The following SCFD1 variants were observed in gnomAD, a reference collection of about 807,000 sequenced individuals.
The protein encoded by SCFD1 is sec1 family domain containing 1, also known as sec1 family domain-containing protein 1.
A neutral mutation model predicts 103.2 loss-of-function variants in SCFD1; 37 were observed. That is an observed-to-expected ratio of 0.36 (90% CI 0.28 to 0.47). The LOEUF (loss-of-function observed/expected upper bound fraction) is 0.47, where lower values mean the gene tolerates loss of function less well. Among genes scored for constraint, SCFD1 ranks in the 20% least tolerant of loss-of-function variants. SCFD1 has a pLI of 1.00. For synonymous variants in SCFD1, 264 were observed against 245.0 expected, an observed-to-expected ratio of 1.08 and a Z score of -0.73; for missense variants, 639 against 761.2, an observed-to-expected ratio of 0.84 and a Z score of 1.89.
rs780070105 is a variant in SCFD1 at position 30,634,073 on chromosome 14, T to C, written c.312+36T>C. On this transcript the variant is annotated intron_variant, in intron 4 of 24. Transcript: ENST00000458591. ...TTCTTATTTTCTGGACTCCTGAATT[T>C]GGAAATGGATTTTTTTTTCAAGAAA... The C allele has an allele frequency of 2.4e-6, 3 of 1,252,362 alleles. No individual in the cohort carries two copies. In the African/African-American group the frequency reaches 4.6e-5, roughly 19 times the overall value. The allele number at this position is 1,252,362 out of a possible 1,614,324, so 77.6% of individuals were successfully genotyped here. A position where few individuals can be genotyped will look rare whatever the true frequency, so the allele number is the denominator to read the frequency against.
intron 15 of SCFD1, among the ~76,000 whole-genome samples, chr14:30,697,199 G>A (rs1019246995): frequency 2.4e-4 from 37 of 152,242 alleles, no homozygotes; most frequent in Non-Finnish European, 4.6e-4. Context: ...AGAGGTAGCT[G>A]ATTCCAGAGG....
chr14:30,702,901 A>G (rs1338877579), intron 17 of SCFD1, among the ~76,000 whole-genome samples: 1 of 152,170 alleles, frequency 6.6e-6, no homozygotes, highest in Non-Finnish European at 1.5e-5. Context: ...CTTTAGACAC[A>G]ATTGTAATAA....
chr14:30,713,252 T>G (rs1217933952), intron 19 of SCFD1, among the ~76,000 whole-genome samples: 1 of 152,212 alleles, frequency 6.6e-6, no homozygotes, highest in South Asian at 2.1e-4. Flanking sequence ...TTTTTTAAAA[T>G]CATTCTCTGT....
chr14:30,675,054 G>T lies in SCFD1; in HGVS notation c.1231G>T (p.Glu411Ter). 6.3e-7 allele frequency: 1 copy of T among 1,575,016 alleles called. No homozygotes were observed. Among genetic ancestry groups the T allele is most frequent in the South Asian group, 1.2e-5 (1 of 84,904 alleles). Residue 411 changes from glutamate (E) to a stop codon, truncating the protein, a stop_gained, in exon 14 of 25, where the codon GAA becomes TAA. Coordinates refer to ENST00000458591, the MANE Select transcript of SCFD1 (RefSeq NM_016106.4). LOFTEE classifies it high-confidence loss of function. Reference sequence around the variant, plus strand: ...TACAAATGTTGCCACTGCTGTTTTAGAACATATAAAGGTAAATTTAACTTT... The same window carrying T: ...TACAAATGTTGCCACTGCTGTTTTATAACATATAAAGGTAAATTTAACTTT... The part of the protein sequence containing the change: ...LHTNVATAVL[E>*]HIKARKLDVY...
chr14:30,694,998 A>T, intron 15 of SCFD1, 129 bp downstream of exon 15: 1 of 1,446,404 alleles, frequency 6.9e-7, no homozygotes, highest in Non-Finnish European at 9.1e-7. Flanking sequence ...TAATTAAATG[A>T]GCTATTTTCT....
In SCFD1 at chr14:30,727,322, A is replaced by G. The variant is rs546784631; in HGVS notation, c.1836+4763A>G. ...TGGTCTGTGACTTCGTTGTTCAACA[A>G]AATCGTTTGTGTGCATTTCAGAGAC... On this transcript the variant is annotated intron_variant, in intron 23 of 24. Coordinates refer to ENST00000458591, the MANE Select transcript of SCFD1 (RefSeq NM_016106.4). Among the ~76,000 whole-genome samples, 9 of 152,342 alleles carry G rather than the reference A, an allele frequency of 5.9e-5. No homozygotes were observed. In the South Asian group the frequency reaches 1.2e-3, roughly 21 times the overall value.
chr14:30,663,558 AC>A (rs1887638571), intron 10 of SCFD1, among the ~76,000 whole-genome samples: 1 of 152,162 alleles, frequency 6.6e-6, no homozygotes, highest in South Asian at 2.1e-4. Flanking sequence ...TATAGGAAAA[AC>A]AGTAATAGAG....
intron 15 of SCFD1, 113 bp downstream of exon 15, chr14:30,694,982 T>A: frequency 6.8e-7 from 1 of 1,472,660 alleles, no homozygotes; most frequent in Non-Finnish European, 9.0e-7. Context: ...AATGCTAATA[T>A]CAAGATAATT....
chr14:30,664,516 C>T (rs562730042), intron 10 of SCFD1, among the ~76,000 whole-genome samples: 64 of 152,216 alleles, frequency 4.2e-4, no homozygotes, highest in African/African-American at 1.4e-3. Flanking sequence ...CAGCTCCTCG[C>T]CAGCAACGGA....
intron 19 of SCFD1, among the ~76,000 whole-genome samples, chr14:30,711,436 C>CATCT (rs1207210852): frequency 1.3e-5 from 2 of 152,224 alleles, no homozygotes; most frequent in African/African-American, 2.4e-5. Context: ...GGCAAAAGTC[C>CATCT]ATCTATCTCT....
intron 4 of SCFD1, chr14:30,634,939 G>C (rs1037391281): frequency 3.1e-5 from 14 of 455,830 alleles, no homozygotes; most frequent in African/African-American, 1.6e-4. Flanking sequence ...CAGTTACAAG[G>C]GTGGCTGCAA....
Position 30,700,204 on chromosome 14 carries a change from T to C in SCFD1, c.1356T>C (p.Asp452=). ...ISDPDAGTPE[D]KMRLFLIYYI... ...CCTATGCAGCAGGAACTCCAGAAGA[T>C]AAAATGAGGTTGTTTCTTATCTATT... The change falls in exon 16 of 25, where the codon GAT becomes GAC. Residue 452 remains aspartate (D), a synonymous_variant. Coordinates refer to ENST00000458591, the MANE Select transcript of SCFD1 (RefSeq NM_016106.4). 6.2e-7 allele frequency: 1 copy of C among 1,610,926 alleles called. No homozygotes were observed. Among genetic ancestry groups the C allele is most frequent in the South Asian group, 1.1e-5 (1 of 90,934 alleles).
chr14:30,660,528 A>G (rs1887346904), intron 10 of SCFD1, among the ~76,000 whole-genome samples: 1 of 152,142 alleles, frequency 6.6e-6, no homozygotes, highest in South Asian at 2.1e-4. Context: ...GTCACTGATA[A>G]TTATTGCCTC....
intron 7 of SCFD1, among the ~76,000 whole-genome samples, chr14:30,646,032 T>G (rs982260511): frequency 6.6e-6 from 1 of 152,176 alleles, no homozygotes; most frequent in Non-Finnish European, 1.5e-5. Context: ...TGTGTTTTTT[T>G]TTGTTTTTGT....
At chr14:30,630,684 T>G (rs986088222) in intron 3 of SCFD1, 119 bp downstream of exon 3, 6 of 628,412 alleles carry the variant, frequency 9.5e-6, no homozygotes, top group African/African-American at 9.4e-5. Flanking sequence ...TCTTCTTTAT[T>G]CAACCCCTTA....
chr14:30,670,119 T>G, intron 10 of SCFD1, 137 bp from the exon 11 acceptor site: 1 of 670,544 alleles, frequency 1.5e-6, no homozygotes, highest in East Asian at 2.9e-5. Flanking sequence ...TACATTTGTA[T>G]GTAACAAAAG....
At chr14:30,672,522 CT>C (rs1190238046) in intron 11 of SCFD1, among the ~76,000 whole-genome samples, 1 of 152,142 alleles carries the variant, frequency 6.6e-6, no homozygotes, top group Non-Finnish European at 1.5e-5. Context: ...GGAGAAAAGG[CT>C]TCTGGCCTCC....
intron 7 of SCFD1, among the ~76,000 whole-genome samples, chr14:30,648,668 T>C (rs1323014587): frequency 6.6e-6 from 1 of 152,120 alleles, no homozygotes; most frequent in African/African-American, 2.4e-5. Flanking sequence ...TCCCAGCACT[T>C]TAGGTGGTTG....
intron 23 of SCFD1, among the ~76,000 whole-genome samples, chr14:30,727,792 T>C (rs771206742): frequency 6.6e-6 from 1 of 152,180 alleles, no homozygotes; most frequent in African/African-American, 2.4e-5. Context: ...CTGACAGCAA[T>C]GTGAGACTGG....
Sources: allele counts gnomAD v4.1 joint callset (sites outside exome capture counted in the v4.1 genomes callset), GRCh38; gene constraint gnomAD v4.1.1; transcripts MANE v1.5; gene names NCBI Gene and HGNC (gene_info 2026-07-23, HGNC 2026-07-21).